The following KAZN variants were observed in gnomAD, a reference collection of about 807,000 sequenced individuals.
The protein encoded by KAZN is kazrin.
A neutral mutation model predicts 87.4 loss-of-function variants in KAZN; 40 were observed. The observed-to-expected ratio is 0.46, with a 90% CI of 0.36 to 0.60. The LOEUF (loss-of-function observed/expected upper bound fraction) is 0.60, where lower values mean the gene tolerates loss of function less well. KAZN is among the 20% of genes least tolerant of loss of function. The probability of loss-of-function intolerance (pLI) is 0.00; values close to 1 mark genes in which losing one functional copy is unlikely to be tolerated. For synonymous variants in KAZN, 466 were observed against 458.3 expected, an observed-to-expected ratio of 1.02 and a Z score of -0.22; for missense variants, 898 against 1,073.9, an observed-to-expected ratio of 0.84 and a Z score of 2.29.
At chr1:14,392,249 TAGAA>T (rs989550576) in intron 2 of KAZN, among the ~76,000 whole-genome samples, 47 of 152,280 alleles carry the variant, frequency 3.1e-4, no homozygotes, top group East Asian at 1.4e-3. Flanking sequence ...TCAAAAGTTT[TAGAA>T]AGAAAAGGTA....
At chr1:14,718,853 A>T (rs1642946218) in intron 1 of KAZN, among the ~76,000 whole-genome samples, 1 of 152,206 alleles carries the variant, frequency 6.6e-6, no homozygotes, top group Admixed American at 6.5e-5. Flanking sequence ...AGGGGACATC[A>T]TGAAAGCAAG....
At chr1:14,813,745 A>T (rs958104672) in intron 1 of KAZN, among the ~76,000 whole-genome samples, 3 of 152,192 alleles carry the variant, frequency 2.0e-5, no homozygotes, top group Non-Finnish European at 4.4e-5. Flanking sequence ...GACATTTTGG[A>T]ATGTATTTCC....
intron 2 of KAZN, among the ~76,000 whole-genome samples, chr1:14,301,658 C>T (rs1654562767): frequency 1.3e-5 from 2 of 152,244 alleles, no homozygotes; most frequent in Non-Finnish European, 2.9e-5. Context: ...CAGCAGGAAG[C>T]ATGCATTAAA....
chr1:14,272,550 G>T (rs1652030768), intron 2 of KAZN, among the ~76,000 whole-genome samples: 1 of 152,178 alleles, frequency 6.6e-6, no homozygotes, highest in African/African-American at 2.4e-5. Context: ...GCTCCAAAGA[G>T]CAAGGCACAT....
chr1:14,756,915 C>T (rs191466234), intron 1 of KAZN, among the ~76,000 whole-genome samples: 77 of 152,320 alleles, frequency 5.1e-4, no homozygotes, highest in African/African-American at 1.7e-3. Flanking sequence ...CAGAAGGTAA[C>T]GGAGAGGCTC....
intron 1 of KAZN, among the ~76,000 whole-genome samples, chr1:14,658,951 AG>A (rs1638978562): frequency 6.6e-6 from 1 of 152,192 alleles, no homozygotes. Context: ...AGAGGCTGCC[AG>A]GGCTGGGAGC....
At chr1:14,818,286 G>T (rs887043307) in intron 1 of KAZN, among the ~76,000 whole-genome samples, 6 of 152,226 alleles carry the variant, frequency 3.9e-5, no homozygotes, top group Admixed American at 3.9e-4. Context: ...TATTGCGAGT[G>T]TATATCCATC....
At chr1:14,855,112 G>A (rs899945172) in intron 1 of KAZN, among the ~76,000 whole-genome samples, 6 of 152,154 alleles carry the variant, frequency 3.9e-5, no homozygotes, top group South Asian at 2.1e-4. Context: ...GTGAGACGAC[G>A]GGAGTCTAGG....
chr1:13,952,120 G>C (rs1221514838), intron 1 of KAZN, among the ~76,000 whole-genome samples: 1 of 152,002 alleles, frequency 6.6e-6, no homozygotes, highest in East Asian at 1.9e-4. Context: ...ATTTGAGCAG[G>C]AAAAGGGGTT....
At chr1:13,948,631 G>C (rs1641232705) in intron 1 of KAZN, among the ~76,000 whole-genome samples, 1 of 152,064 alleles carries the variant, frequency 6.6e-6, no homozygotes, top group Admixed American at 6.5e-5. Flanking sequence ...TTCCTGTTTT[G>C]AGATCCAGTG....
intron 2 of KAZN, among the ~76,000 whole-genome samples, chr1:14,347,450 G>C (rs1373854644): frequency 1.3e-5 from 2 of 152,174 alleles, no homozygotes; most frequent in East Asian, 3.9e-4. Flanking sequence ...CTGCTACCTA[G>C]ATTCCAAGAT....
At chr1:14,335,392 G>A (rs908412187) in intron 2 of KAZN, among the ~76,000 whole-genome samples, 5 of 151,852 alleles carry the variant, frequency 3.3e-5, no homozygotes, top group African/African-American at 9.7e-5. Context: ...TAGTAGAGAC[G>A]GGGTTTCACC....
intron 1 of KAZN, among the ~76,000 whole-genome samples, chr1:14,117,386 GCTT>G (rs1644648043): frequency 6.6e-6 from 1 of 152,292 alleles, no homozygotes; most frequent in East Asian, 1.9e-4. Context: ...CCCTGCGCAA[GCTT>G]CTTCTGTTGA....
chr1:15,046,297 C>CAAAAAAA (rs55932579), intron 4 of KAZN, among the ~76,000 whole-genome samples: 27,385 of 133,308 alleles, frequency 0.21, 3,133 homozygotes, highest in Middle Eastern at 0.23. Flanking sequence ...GACTCCGTCT[C>CAAAAAAA]AAAAAAAAAA....
chr1:15,022,842 C>T (rs1019372828), intron 2 of KAZN, among the ~76,000 whole-genome samples: 6 of 152,210 alleles, frequency 3.9e-5, no homozygotes, highest in South Asian at 4.1e-4. Flanking sequence ...TGCACAGCTG[C>T]GGGTTCTACC....
At chr1:14,702,326 C>CTGTGTGTGTGTGTGTGTGTGTGTG (rs3222186) in intron 1 of KAZN, among the ~76,000 whole-genome samples, 8 of 133,364 alleles carry the variant, frequency 6.0e-5, no homozygotes, top group South Asian at 5.6e-4. Context: ...TTTTGCAAAA[C>CTGTGTGTGTGTGTGTGTGTGTGTG]TGTGTGTGTG....
chr1:13,941,055 A>G (rs1640907570), intron 1 of KAZN, among the ~76,000 whole-genome samples: 1 of 152,060 alleles, frequency 6.6e-6, no homozygotes, highest in Non-Finnish European at 1.5e-5. Flanking sequence ...TTAGCCAGGC[A>G]TGGTAGCACA....
intron 1 of KAZN, among the ~76,000 whole-genome samples, chr1:14,680,385 A>G (rs984001614): frequency 6.6e-6 from 1 of 152,192 alleles, no homozygotes; most frequent in Non-Finnish European, 1.5e-5. Flanking sequence ...TGCCTGATCT[A>G]GAACTTTATC....
chr1:14,594,872 A>G (rs1676395002), upstream of KAZN, among the ~76,000 whole-genome samples: 2 of 152,184 alleles, frequency 1.3e-5, no homozygotes, highest in Non-Finnish European at 2.9e-5. Flanking sequence ...AACTGGACCA[A>G]CCAAGGCACT....
Sources: allele counts gnomAD v4.1 joint callset (sites outside exome capture counted in the v4.1 genomes callset), GRCh38; gene constraint gnomAD v4.1.1; transcripts MANE v1.5; gene names NCBI Gene and HGNC (gene_info 2026-07-23, HGNC 2026-07-21).